Variants in PPFIA2 observed in about 807,000 individuals in gnomAD.
PPFIA2 encodes liprin-alpha-2.
PPFIA2 carries 46 observed loss-of-function variants against 175.5 expected under a neutral mutation model. The observed-to-expected ratio is 0.26, with a 90% CI of 0.21 to 0.34. The LOEUF is 0.34. PPFIA2 is among the 10% of genes least tolerant of loss of function. The pLI, the probability that PPFIA2 is intolerant of heterozygous loss-of-function variation, is 1.00. For missense variants in PPFIA2, 1,179 were observed against 1,506.1 expected (o/e 0.78, Z 3.60); for synonymous variants, 568 against 511.4 (o/e 1.11, Z -1.49).
chr12:81,493,522 T>C (rs2059637365), intron 4 of PPFIA2, among the ~76,000 whole-genome samples: 1 of 151,930 alleles, frequency 6.6e-6, no homozygotes, highest in Admixed American at 6.6e-5. Context: ...TTAAAATCTG[T>C]CACCAGATTT....
At chr12:81,537,696 C>T (rs1594675571) in intron 4 of PPFIA2, among the ~76,000 whole-genome samples, 1 of 151,922 alleles carries the variant, frequency 6.6e-6, no homozygotes, top group East Asian at 1.9e-4. Flanking sequence ...TTAAGAATCC[C>T]TTCTTCCTAT....
At position 81,259,490 on chromosome 12, in the gene PPFIA2, T is replaced by C. The variant is rs2034645534; in HGVS notation, c.*204A>G. The stretch of plus-strand genomic sequence containing the variant: ...GACTTAAGCATTTTATTACAATTTG[T>C]AGTAAACTAATCAAATGTAATATCT... On this transcript the variant is annotated 3_prime_UTR_variant, in exon 33 of 33. Coordinates refer to ENST00000549396, the MANE Select transcript of PPFIA2 (RefSeq NM_003625.5). The C allele has an allele frequency of 1.4e-6, 1 of 727,842 alleles. No individual in the cohort carries two copies. The highest frequency in any genetic ancestry group is 1.8e-5 in the African/African-American group (1 of 56,532). The allele number at this position is 727,842 out of a possible 1,614,324, so 45.1% of individuals were successfully genotyped here.
chr12:81,270,585 AG>A (rs1474392256), intron 28 of PPFIA2: 1 of 152,234 alleles, frequency 6.6e-6, no homozygotes, highest in Non-Finnish European at 1.5e-5. Context: ...TACCCGCCAA[AG>A]AACATCAAAA....
intron 9 of PPFIA2, among the ~76,000 whole-genome samples, chr12:81,377,555 GAA>G (rs796615939): frequency 7.6e-6 from 1 of 131,510 alleles, no homozygotes; most frequent in Non-Finnish European, 1.7e-5. Flanking sequence ...TCCATTTCAA[GAA>G]AAAAAAAAAA....
At chr12:81,552,515 C>T (rs1213647189) in intron 4 of PPFIA2, among the ~76,000 whole-genome samples, 1 of 151,864 alleles carries the variant, frequency 6.6e-6, no homozygotes, top group African/African-American at 2.4e-5. Flanking sequence ...ATTGAAATGT[C>T]AAGAAACAGT....
chr12:81,278,369 C>G (rs1026066447), intron 27 of PPFIA2, among the ~76,000 whole-genome samples: 16 of 151,782 alleles, frequency 1.1e-4, no homozygotes, highest in African/African-American at 3.9e-4. Flanking sequence ...GGTGAAACCC[C>G]GTCTCTACTA....
At position 81,727,981 on chromosome 12, in the gene PPFIA2, C is replaced by G. The variant is rs75832280; in HGVS notation, c.249+25992G>C. Among the ~76,000 whole-genome samples the G allele has an allele frequency of 1.7e-3, 259 of 151,484 alleles. 1 individual carries two copies. The highest frequency in any genetic ancestry group is 6.1e-3 in the African/African-American group (252 of 41,442). ...CTATCAGATAGTGTACAAAATATCT[C>G]ACTGTTAACTGCAAAGGAGACTAAA... On this transcript the variant is annotated intron_variant, in intron 3 of 32. Coordinates refer to ENST00000549396, the MANE Select transcript of PPFIA2 (RefSeq NM_003625.5).
intron 4 of PPFIA2, among the ~76,000 whole-genome samples, chr12:81,624,228 T>C (rs756193386): frequency 4.6e-5 from 7 of 151,620 alleles, no homozygotes; most frequent in Non-Finnish European, 1.0e-4. Flanking sequence ...GTTACTTATA[T>C]GTCAACTTGT....
chr12:81,490,084 C>T (rs2059267154), intron 4 of PPFIA2, among the ~76,000 whole-genome samples: 1 of 151,834 alleles, frequency 6.6e-6, no homozygotes, highest in African/African-American at 2.4e-5. Flanking sequence ...GAATAAACAC[C>T]TTAGCAGTAT....
intron 22 of PPFIA2, among the ~76,000 whole-genome samples, chr12:81,315,825 T>C (rs1218956607): frequency 6.6e-6 from 1 of 151,730 alleles, no homozygotes; most frequent in South Asian, 2.1e-4. Context: ...AGCATGTTTC[T>C]AGTGATTCTT....
Position 81,284,321 on chromosome 12 carries a change from A to G in PPFIA2, c.2926-18T>C. The G allele has an allele frequency of 6.5e-7, 1 of 1,536,152 alleles. No individual in the cohort carries two copies. Among genetic ancestry groups the G allele is most frequent in the Non-Finnish European group, 9.0e-7 (1 of 1,115,824 alleles). The stretch of plus-strand genomic sequence containing the variant: ...CCTGAAGGCTAGTGAGGAGGCCCAG[A>G]GGGAAGCAGAGGAATCCATGGGAGG... On this transcript the variant is annotated intron_variant, in intron 24 of 32. Coordinates refer to ENST00000549396, the MANE Select transcript of PPFIA2 (RefSeq NM_003625.5).
intron 3 of PPFIA2, among the ~76,000 whole-genome samples, chr12:81,706,868 A>C (rs1449085342): frequency 6.6e-6 from 1 of 152,170 alleles, no homozygotes. Context: ...ATAACACCGC[A>C]TATCTACAAC....
intron 4 of PPFIA2, among the ~76,000 whole-genome samples, chr12:81,586,981 T>C (rs886643367): frequency 1.3e-5 from 2 of 152,160 alleles, no homozygotes; most frequent in East Asian, 3.9e-4. Context: ...ATATATTCCA[T>C]TGAGCTTTTA....
At chr12:81,524,028 T>G (rs1212472384) in intron 4 of PPFIA2, among the ~76,000 whole-genome samples, 1 of 152,236 alleles carries the variant, frequency 6.6e-6, no homozygotes, top group South Asian at 2.1e-4. Context: ...ACTTACATGT[T>G]ACACATTGTA....
Position 81,437,107 on chromosome 12 carries a change from C to T in PPFIA2, c.645+2865G>A, listed in dbSNP as rs186207761. Reference sequence around the variant, plus strand: ...GCCTATAGGAGATTATAATAATACTCGAGGGATAAAACTCTATTCCAGAAA... The same window carrying T: ...GCCTATAGGAGATTATAATAATACTTGAGGGATAAAACTCTATTCCAGAAA... On this transcript the variant is annotated intron_variant, in intron 7 of 32. Coordinates refer to ENST00000549396, the MANE Select transcript of PPFIA2 (RefSeq NM_003625.5). Among the ~76,000 whole-genome samples the T allele has an allele frequency of 5.3e-4, 81 of 152,240 alleles. 1 individual carries two copies. The highest frequency in any genetic ancestry group is 1.9e-3 in the African/African-American group (80 of 41,550).
At chr12:81,266,165 T>G (rs2136235602) in intron 30 of PPFIA2, among the ~76,000 whole-genome samples, 1 of 152,316 alleles carries the variant, frequency 6.6e-6, no homozygotes, top group South Asian at 2.1e-4. Flanking sequence ...AAAATAATTT[T>G]AATCAGCTTG....
intron 7 of PPFIA2, among the ~76,000 whole-genome samples, chr12:81,427,898 T>C (rs2047424487): frequency 6.6e-6 from 1 of 151,964 alleles, no homozygotes; most frequent in African/African-American, 2.4e-5. Flanking sequence ...CACTGAGAAG[T>C]TGAATTAATT....
chr12:81,580,195 G>A (rs1403848780), intron 4 of PPFIA2, among the ~76,000 whole-genome samples: 3 of 151,896 alleles, frequency 2.0e-5, no homozygotes, highest in African/African-American at 7.2e-5. Context: ...TGCATGTCAA[G>A]CCTCATGATG....
At chr12:81,263,185 T>A (rs994804080) in intron 31 of PPFIA2, 46 bp downstream of exon 31, 1 of 1,512,258 alleles carries the variant, frequency 6.6e-7, no homozygotes, top group Non-Finnish European at 9.0e-7. Flanking sequence ...TAGCTTTGGC[T>A]AAACAAGCTT....
Sources: allele counts gnomAD v4.1 joint callset (sites outside exome capture counted in the v4.1 genomes callset), GRCh38; gene constraint gnomAD v4.1.1; transcripts MANE v1.5; gene names NCBI Gene and HGNC (gene_info 2026-07-23, HGNC 2026-07-21).